IL6ST: variants seen among roughly 807,000 people sequenced by gnomAD.
The protein encoded by IL6ST is interleukin 6 cytokine family signal transducer, also known as interleukin-6 receptor subunit beta.
In IL6ST, 24 loss-of-function variants were observed where a neutral mutation model predicts 91.3. The observed-to-expected ratio is 0.26, with a 90% CI of 0.19 to 0.37. The LOEUF (loss-of-function observed/expected upper bound fraction) is 0.37, where lower values mean the gene tolerates loss of function less well. Ranked by LOEUF, IL6ST falls within the 10% of genes least tolerant of loss-of-function variation. The probability of loss-of-function intolerance (pLI) is 1.00; values close to 1 mark genes in which losing one functional copy is unlikely to be tolerated. For synonymous variants in IL6ST, 351 were observed against 373.6 expected (o/e 0.94, Z 0.70); for missense variants, 914 against 1,078.5 (o/e 0.85, Z 2.14).
chr5:55,960,391 T>C lies in IL6ST; in HGVS notation c.973+11A>G. On this transcript the variant is annotated intron_variant, in intron 8 of 16. Transcript: ENST00000381298. ...CAATAGCTTTACTTCTTCATATACT[T>C]ATGTACTTACTATCTTCATAGGTGA... 6.2e-7 allele frequency: 1 copy of C among 1,608,774 alleles called. No homozygotes were observed. The highest frequency in any genetic ancestry group is 8.5e-7 in the Non-Finnish European group (1 of 1,176,266).
intron 2 of IL6ST, 118 bp from the exon 3 acceptor site, chr5:55,976,411 T>A (rs762469628): frequency 1.1e-5 from 5 of 475,614 alleles, no homozygotes; most frequent in Non-Finnish European, 1.8e-5. Context: ...AAAATTCTTA[T>A]GAGAATGTAG....
rs201517844 is a variant in IL6ST, at chr5:55,941,335, T to C, written c.2504A>G (p.Lys835Arg). ...TTCCTCATTGACTGATGAAACTTGCTTTGACCTTTCAAAATGTGAAATATC... is the reference window on the plus strand; with the variant it reads ...TTCCTCATTGACTGATGAAACTTGCCTTGACCTTTCAAAATGTGAAATATC... ...SPDISHFERS[K>R]QVSSVNEEDF... Residue 835 changes from lysine to arginine, a missense_variant, in exon 17 of 17, where the codon AAG becomes AGG. Coordinates refer to ENST00000381298, the MANE Select transcript of IL6ST (RefSeq NM_002184.4). The C allele has an allele frequency of 6.2e-7, 1 of 1,614,122 alleles. No individual in the cohort carries two copies. The highest frequency in any genetic ancestry group is 8.5e-7 in the Non-Finnish European group (1 of 1,180,002).
In IL6ST at chr5:55,947,540, T is replaced by C. The variant is rs763931060; in HGVS notation, c.1890A>G (p.Leu630=). ...ACAGCACTCCCAGAAGAGTTGTCAA[T>C]AGGAATGCTAAGCAAACAGGCACGA... ...AIVVPVCLAF[L]LTTLLGVLFC... Residue 630 remains leucine, a synonymous_variant, in exon 15 of 17, where the codon CTA becomes CTG. Transcript: ENST00000381298. 6.4e-7 allele frequency: 1 copy of C among 1,551,056 alleles called. No homozygotes were observed. The highest frequency in any genetic ancestry group is 8.6e-7 in the Non-Finnish European group (1 of 1,156,296).
chr5:55,941,191 C>T lies in IL6ST; in HGVS notation c.2648G>A (p.Gly883Glu), dbSNP rs1750885644. ...AACTGTTTCAAATCTTTCTACTTGT[C>T]CCTCAGTACCTGGACCAAAAGCATC... The part of the protein sequence containing the change: ...AADAFGPGTE[G>E]QVERFETVGM... The change falls in exon 17 of 17, where the codon GGA (glycine) becomes GAA (glutamate). Residue 883 changes from glycine to glutamate, a missense_variant. Transcript: ENST00000381298. The T allele has an allele frequency of 6.2e-7, 1 of 1,614,120 alleles. No individual in the cohort carries two copies. Among genetic ancestry groups the T allele is most frequent in the South Asian group, 1.1e-5 (1 of 91,078 alleles).
intron 2 of IL6ST, among the ~76,000 whole-genome samples, chr5:55,982,259 A>G (rs992903417): frequency 1.8e-4 from 27 of 152,270 alleles, no homozygotes; most frequent in African/African-American, 6.5e-4. Context: ...TTAGATTTAC[A>G]TTGCATGTGA....
At chr5:55,947,431 G>T (rs2111636807) in intron 15 of IL6ST, 62 bp downstream of exon 15, 3 of 858,120 alleles carry the variant, frequency 3.5e-6, no homozygotes, top group East Asian at 2.4e-5. Flanking sequence ...AAATTTTATT[G>T]CATGTAAATT....
At chr5:55,988,983 G>A (rs901162231) in intron 1 of IL6ST, among the ~76,000 whole-genome samples, 2 of 151,136 alleles carry the variant, frequency 1.3e-5, no homozygotes, top group Non-Finnish European at 2.9e-5. Context: ...AAAATCAGCC[G>A]GGCATGGTGG....
intron 1 of IL6ST, among the ~76,000 whole-genome samples, chr5:55,986,722 A>T (rs950116098): frequency 6.6e-6 from 1 of 151,096 alleles, no homozygotes; most frequent in Non-Finnish European, 1.5e-5. Flanking sequence ...TTGTTTTCTT[A>T]TTGGTTGCTT....
intron 2 of IL6ST, among the ~76,000 whole-genome samples, chr5:55,981,307 T>G (rs944298510): frequency 7.9e-5 from 12 of 152,150 alleles, no homozygotes; most frequent in Admixed American, 2.6e-4. Context: ...ATATAAAATA[T>G]TATATGCAAT....
intron 14 of IL6ST, among the ~76,000 whole-genome samples, chr5:55,947,972 C>T (rs1303309329): frequency 6.6e-6 from 1 of 152,020 alleles, no homozygotes; most frequent in Non-Finnish European, 1.5e-5. Flanking sequence ...TACTGTATAA[C>T]AGAGAAATTA....
intron 8 of IL6ST, among the ~76,000 whole-genome samples, chr5:55,959,203 A>G (rs1327347103): frequency 6.6e-6 from 1 of 152,190 alleles, no homozygotes; most frequent in Non-Finnish European, 1.5e-5. Context: ...CTCCCCATGT[A>G]TCTCATTTTA....
chr5:55,987,991 C>T (rs889681794), intron 1 of IL6ST, among the ~76,000 whole-genome samples: 11 of 152,004 alleles, frequency 7.2e-5, no homozygotes, highest in South Asian at 2.1e-4. Flanking sequence ...ATTAGCTGGT[C>T]GTGGTGGTGG....
chr5:55,946,389 C>T (rs1203573237), intron 15 of IL6ST, among the ~76,000 whole-genome samples: 2 of 152,162 alleles, frequency 1.3e-5, no homozygotes, highest in East Asian at 3.9e-4. Context: ...CATATGCTCG[C>T]ACAGTTTTGT....
chr5:55,967,388 A>C (rs1752697813), intron 5 of IL6ST, among the ~76,000 whole-genome samples: 1 of 151,234 alleles, frequency 6.6e-6, no homozygotes, highest in African/African-American at 2.4e-5. Context: ...TAACAGTTTA[A>C]CAACTGAAAT....
In IL6ST at chr5:55,941,694, T is replaced by A; in HGVS notation, c.2145A>T (p.Lys715Asn). 2 of 1,614,074 alleles carry A rather than the reference T, an allele frequency of 1.2e-6. No homozygotes were observed. Among genetic ancestry groups the A allele is most frequent in the Non-Finnish European group, 1.7e-6 (2 of 1,180,014 alleles). ...GTCCTTCAGTATTAATTTTTTCCTT[T>A]TTGAACAGGTCCAATGATTTCAGAT... ...PEDLKSLDLF[K>N]KEKINTEGHS... The change falls in exon 17 of 17, where the codon AAA (lysine) becomes AAT (asparagine). Residue 715 changes from lysine (K) to asparagine (N), a missense_variant. Coordinates refer to ENST00000381298, the MANE Select transcript of IL6ST (RefSeq NM_002184.4).
At position 55,959,588 on chromosome 5, in the gene IL6ST, T is replaced by C. The variant is rs1390322372; in HGVS notation, c.973+814A>G. 13 of 1,072,712 alleles carry C rather than the reference T, an allele frequency of 1.2e-5. No homozygotes were observed. In the Admixed American group the frequency reaches 2.8e-4, roughly 23 times the overall value. 66.4% of individuals were successfully genotyped at this position (1,072,712 alleles called of 1,614,324 possible). A position where few individuals can be genotyped will look rare whatever the true frequency, so the allele number is the denominator to read the frequency against. ...TGCCTTTTTTATTCTATATCATATATATTATCTATAGGAGAAAAAAGGAAA... is the reference window on the plus strand; with the variant it reads ...TGCCTTTTTTATTCTATATCATATACATTATCTATAGGAGAAAAAAGGAAA... On this transcript the variant is annotated intron_variant, in intron 8 of 16. Transcript: ENST00000381298.
intron 2 of IL6ST, chr5:55,978,185 G>C (rs1297904173): frequency 6.6e-6 from 1 of 152,232 alleles, no homozygotes; most frequent in Non-Finnish European, 1.5e-5. Context: ...AGTAGTCAGA[G>C]TATCAGCATT....
Position 55,969,620 on chromosome 5 carries a change from C to G in IL6ST, c.300G>C (p.Gln100His). The G allele has an allele frequency of 6.2e-7, 1 of 1,612,962 alleles. No homozygotes were observed. Among genetic ancestry groups the G allele is most frequent in the Non-Finnish European group, 8.5e-7 (1 of 1,179,132 alleles). Residue 100 changes from glutamine (Q) to histidine (H), a missense_variant, in exon 4 of 17, where the codon CAG becomes CAC. Transcript: ENST00000381298. The part of the protein sequence containing the change: ...TFTDIASLNI[Q>H]LTCNILTFGQ... ...CGAATGTAAGAATGTTGCAAGTGAG[C>G]TGAATATTTAATGAAGCTATATCTG...
At chr5:55,972,246 C>T (rs1282436191) in intron 3 of IL6ST, among the ~76,000 whole-genome samples, 1 of 152,206 alleles carries the variant, frequency 6.6e-6, no homozygotes, top group Non-Finnish European at 1.5e-5. Flanking sequence ...GGCGCAGTGG[C>T]TCACACCTGT....
Sources: allele counts gnomAD v4.1 joint callset (sites outside exome capture counted in the v4.1 genomes callset), GRCh38; gene constraint gnomAD v4.1.1; transcripts MANE v1.5; gene names NCBI Gene and HGNC (gene_info 2026-07-23, HGNC 2026-07-21).